MALRD1: variants seen among roughly 807,000 people sequenced by gnomAD.
MALRD1 encodes the protein MAM and LDL receptor class A domain containing 1, also known as MAM and LDL-receptor class A domain-containing protein 1.
Under a neutral mutation model 242.1 loss-of-function variants are expected in MALRD1, and 247 were observed. That is an observed-to-expected ratio of 1.02 (90% CI 0.92 to 1.13). The LOEUF is 1.13. Among genes scored for constraint, MALRD1 ranks in the 50% most tolerant of loss-of-function variants. MALRD1 has a pLI of 0.00. For synonymous variants in MALRD1, 995 were observed against 866.6 expected (o/e 1.15, Z -2.60); for missense variants, 2,989 against 2,533.1 (o/e 1.18, Z -3.86).
intron 18 of MALRD1, among the ~76,000 whole-genome samples, chr10:19,231,160 A>C (rs968714225): frequency 7.2e-5 from 11 of 152,302 alleles, no homozygotes; most frequent in Non-Finnish European, 1.2e-4. Flanking sequence ...GGCCAGTGAA[A>C]GGTATTAAAA....
At chr10:19,734,104 T>C in intron 39 of MALRD1, 53 bp from the exon 40 acceptor site, 7 of 1,392,634 alleles carry the variant, frequency 5.0e-6, no homozygotes, top group South Asian at 1.3e-5. Flanking sequence ...TAAAGAGTTT[T>C]CTTATCTTAA....
At chr10:19,539,928 T>C (rs1262758849) in intron 32 of MALRD1, among the ~76,000 whole-genome samples, 1 of 142,672 alleles carries the variant, frequency 7.0e-6, no homozygotes, top group Admixed American at 6.9e-5. Flanking sequence ...ACACGCGCAG[T>C]GATGGGGTTT....
intron 29 of MALRD1, among the ~76,000 whole-genome samples, chr10:19,462,506 G>T (rs1835998034): frequency 6.6e-6 from 1 of 152,172 alleles, no homozygotes; most frequent in African/African-American, 2.4e-5. Flanking sequence ...CTTCACTCAG[G>T]TTCTGTGAGT....
intron 36 of MALRD1, among the ~76,000 whole-genome samples, chr10:19,637,575 A>G (rs10508589): frequency 0.043 from 6,525 of 152,258 alleles, 191 homozygotes; most frequent in Middle Eastern, 0.092. Context: ...GTGTAACTAC[A>G]TAAGCCATAT....
chr10:19,474,471 G>A lies in MALRD1; in HGVS notation c.5030-17046G>A, dbSNP rs140448859. Among the ~76,000 whole-genome samples, 350 of 151,988 alleles carry A rather than the reference G, an allele frequency of 2.3e-3. 1 individual carries two copies. The highest frequency in any genetic ancestry group is 0.014 in the East Asian group (74 of 5,156). ...GTAACAAAATATTCTTTGCTCTAAG[G>A]CATAGCTTTTCTTTTTAATCTACTA... On this transcript the variant is annotated intron_variant, in intron 29 of 39. Coordinates refer to ENST00000454679, the MANE Select transcript of MALRD1 (RefSeq NM_001142308.3).
intron 6 of MALRD1, among the ~76,000 whole-genome samples, chr10:19,124,063 AAG>A (rs1837164049): frequency 1.3e-5 from 2 of 150,788 alleles, no homozygotes; most frequent in African/African-American, 4.9e-5. Context: ...AAAAAAAAAA[AAG>A]AATCACCTGA....
intron 29 of MALRD1, among the ~76,000 whole-genome samples, chr10:19,490,184 C>T (rs988351989): frequency 1.3e-5 from 2 of 151,968 alleles, no homozygotes; most frequent in Non-Finnish European, 2.9e-5. Context: ...GATCCTCAAC[C>T]AATACAATGT....
chr10:19,651,539 A>G (rs528725447), intron 36 of MALRD1, among the ~76,000 whole-genome samples: 3 of 152,356 alleles, frequency 2.0e-5, no homozygotes, highest in Admixed American at 2.0e-4. Flanking sequence ...TATTCATTAA[A>G]TAGTTCCCTC....
At chr10:19,320,115 A>T (rs993383206) in intron 21 of MALRD1, among the ~76,000 whole-genome samples, 8 of 142,670 alleles carry the variant, frequency 5.6e-5, no homozygotes, top group Non-Finnish European at 1.2e-4. Flanking sequence ...CAGGTTTGTT[A>T]CATAGGTATA....
chr10:19,684,346 A>T (rs1309770743), intron 36 of MALRD1, among the ~76,000 whole-genome samples: 1 of 152,220 alleles, frequency 6.6e-6, no homozygotes, highest in African/African-American at 2.4e-5. Context: ...GCACATAACA[A>T]GTGCTCAATA....
chr10:19,605,485 CTTTTTTTTTTTTT>C (rs369007691), intron 34 of MALRD1, among the ~76,000 whole-genome samples: 2 of 128,492 alleles, frequency 1.6e-5, no homozygotes, highest in South Asian at 5.0e-4. Context: ...GTTTTTCTTT[CTTTTTTTTTTTTT>C]TTTTTGGTTT....
intron 31 of MALRD1, among the ~76,000 whole-genome samples, chr10:19,530,392 ATATAAATATTATATAT>A (rs1834321788): frequency 4.9e-5 from 3 of 61,814 alleles, no homozygotes; most frequent in East Asian, 4.5e-4. Flanking sequence ...TTATATATTT[ATATAAATATTATATAT>A]TTATATAATA....
At position 19,133,946 on chromosome 10, in the gene MALRD1, A is replaced by G; in HGVS notation, c.1201A>G (p.Lys401Glu). ...VLIPEDLKTF[K>E]IIFEGTLLSQ... Reference sequence around the variant, plus strand: ...AATACCAGAAGATCTGAAGACATTTAAGGTATGAAAGAAAAAAAAAAAGTA... The same window carrying G: ...AATACCAGAAGATCTGAAGACATTTGAGGTATGAAAGAAAAAAAAAAAGTA... Residue 401 changes from lysine to glutamate, a missense_variant and splice_region_variant, in exon 9 of 40, where the codon AAG (lysine) becomes GAG (glutamate). By Grantham distance (56) the Lys-to-Glu change is moderately conservative (BLOSUM62 1). Transcript: ENST00000454679. The G allele has an allele frequency of 5.7e-6, 7 of 1,222,344 alleles. No individual in the cohort carries two copies. The highest frequency in any genetic ancestry group is 7.1e-6 in the Non-Finnish European group (7 of 979,602). The allele number at this position is 1,222,344 out of a possible 1,614,324, so 75.7% of individuals were successfully genotyped here.
intron 34 of MALRD1, among the ~76,000 whole-genome samples, chr10:19,607,335 T>G (rs1838686740): frequency 6.6e-6 from 1 of 152,148 alleles, no homozygotes; most frequent in Non-Finnish European, 1.5e-5. Context: ...GCAGGTTTGG[T>G]GTCTCCTAAG....
chr10:19,414,520 G>A (rs1435179363), intron 28 of MALRD1, among the ~76,000 whole-genome samples: 1 of 152,154 alleles, frequency 6.6e-6, no homozygotes, highest in Admixed American at 6.5e-5. Flanking sequence ...GTTTTAGATT[G>A]CCATGTAATT....
chr10:19,583,594 A>C (rs1837238110), intron 33 of MALRD1, among the ~76,000 whole-genome samples: 1 of 152,010 alleles, frequency 6.6e-6, no homozygotes. Flanking sequence ...ATGGTGGATA[A>C]GCTTTTCGAT....
intron 34 of MALRD1, among the ~76,000 whole-genome samples, chr10:19,596,946 A>G (rs1184340045): frequency 1.3e-5 from 2 of 152,106 alleles, no homozygotes; most frequent in Non-Finnish European, 2.9e-5. Context: ...GGTCCTGTGT[A>G]ATATGGGACC....
At chr10:19,569,634 C>T (rs1836419316) in intron 33 of MALRD1, among the ~76,000 whole-genome samples, 1 of 146,956 alleles carries the variant, frequency 6.8e-6, no homozygotes, top group African/African-American at 2.5e-5. Context: ...TATATATATT[C>T]CATAATATGT....
chr10:19,407,561 T>G (rs551391681), intron 28 of MALRD1, among the ~76,000 whole-genome samples: 1 of 152,110 alleles, frequency 6.6e-6, no homozygotes, highest in Admixed American at 6.5e-5. Context: ...AAGACATACA[T>G]AGGTATCACA....
Sources: gnomAD v4.1 joint callset for allele counts (sites outside exome capture counted in the v4.1 genomes callset) on GRCh38, gnomAD v4.1.1 for gene constraint, MANE v1.5 for transcripts, NCBI Gene and HGNC (gene_info 2026-07-23, HGNC 2026-07-21) for gene names.